POM121L2: variants seen among roughly 807,000 people sequenced by gnomAD.
The protein encoded by POM121L2 is POM121 transmembrane nucleoporin like 2.
For synonymous variants in POM121L2, 459 were observed against 483.8 expected, an observed-to-expected ratio of 0.95 and a Z score of 0.67; for missense variants, 1,167 against 1,260.3, an observed-to-expected ratio of 0.93 and a Z score of 1.12.
At position 27,311,579 on chromosome 6, in the gene POM121L2, G is replaced by A. The variant is rs1760746504; in HGVS notation, c.592C>T (p.Pro198Ser). ...GTGAGGGTTCCATTTTTCATCAGGG[G>A]CTTAAATGCCGATGGTCTGGTCTCT... ...SPETRPSAFK[P>S]LMKNGTLTSF... Residue 198 changes from proline to serine, a missense_variant, in exon 1 of 1, where the codon CCC becomes TCC. Transcript: ENST00000444565. 2 of 1,551,576 alleles carry A rather than the reference G, an allele frequency of 1.3e-6. No homozygotes were observed. The highest frequency in any genetic ancestry group is 1.4e-5 in the African/African-American group (1 of 73,068).
In POM121L2 at chr6:27,311,559, G is replaced by C; in HGVS notation, c.612C>G (p.Thr204=). 3 of 1,551,710 alleles carry C rather than the reference G, an allele frequency of 1.9e-6. No homozygotes were observed. The highest frequency in any genetic ancestry group is 1.4e-5 in the African/African-American group (1 of 73,182). Residue 204 remains threonine, a synonymous_variant, in exon 1 of 1, where the codon ACC becomes ACG. Transcript: ENST00000444565. ...CAGGCCTGGGCACAAAAGAAGTGAGGGTTCCATTTTTCATCAGGGGCTTAA... is the reference window on the plus strand; with the variant it reads ...CAGGCCTGGGCACAAAAGAAGTGAGCGTTCCATTTTTCATCAGGGGCTTAA... ...SAFKPLMKNG[T]LTSFVPRPGP...
rs769766603 is a variant in POM121L2 at position 27,309,427 on chromosome 6, G to A, written c.2744C>T (p.Thr915Ile). 2.6e-6 allele frequency: 4 copies of A among 1,551,560 alleles called. No homozygotes were observed. Among genetic ancestry groups the A allele is most frequent in the East Asian group, 2.4e-5 (1 of 40,922 alleles). ...IIMTGPDMSP[T>I]SGAFSIGALP... ...TGCTCCAATGCTGAAAGCTCCAGAG[G>A]TGGGGCTCATGTCTGGACCAGTCAT... The change falls in exon 1 of 1, where the codon ACC becomes ATC. Residue 915 changes from threonine to isoleucine, a missense_variant. Transcript: ENST00000444565.
chr6:27,311,849 G>C lies in POM121L2; in HGVS notation c.322C>G (p.Leu108Val). The C allele has an allele frequency of 1.3e-6, 2 of 1,551,794 alleles. No homozygotes were observed. Residue 108 changes from leucine to valine, a missense_variant, in exon 1 of 1, where the codon CTT (leucine) becomes GTT (valine). By Grantham distance (32) the Leu-to-Val change is conservative (BLOSUM62 1). Coordinates refer to ENST00000444565, the MANE Select transcript of POM121L2 (RefSeq NM_033482.4). ...ESYLKRTIWS[L>V]RHPRPIWSPV... Reference sequence around the variant, plus strand: ...CTCCAAATTGGCCTGGGATGTCGAAGAGACCAAATAGTCCGCTTTAAGTAA... The same window carrying C: ...CTCCAAATTGGCCTGGGATGTCGAACAGACCAAATAGTCCGCTTTAAGTAA...
At position 27,309,662 on chromosome 6, in the gene POM121L2, T is replaced by C. The variant is rs1268824222; in HGVS notation, c.2509A>G (p.Thr837Ala). 2.6e-6 allele frequency: 4 copies of C among 1,551,474 alleles called. No homozygotes were observed. The highest frequency in any genetic ancestry group is 3.5e-6 in the Non-Finnish European group (4 of 1,146,956). Residue 837 changes from threonine (T) to alanine (A), a missense_variant, in exon 1 of 1, where the codon ACC (threonine) becomes GCC (alanine). Thr to Ala is a moderately conservative substitution (Grantham distance 58, BLOSUM62 0). Coordinates refer to ENST00000444565, the MANE Select transcript of POM121L2 (RefSeq NM_033482.4). ...ALGCLTPSAS[T>A]SQTPASTWSG... Reference sequence around the variant, plus strand: ...CAGGTGCTGGCAGGGGTTTGAGAGGTGGAGGCTGAGGGTGTCAAACACCCC... The same window carrying C: ...CAGGTGCTGGCAGGGGTTTGAGAGGCGGAGGCTGAGGGTGTCAAACACCCC...
In POM121L2 at chr6:27,310,516, G is replaced by T; in HGVS notation, c.1655C>A (p.Ser552Tyr). The change falls in exon 1 of 1, where the codon TCC becomes TAC. Residue 552 changes from serine (S) to tyrosine (Y), a missense_variant. Physicochemically the swap from Ser to Tyr is moderately radical, Grantham distance 144. Transcript: ENST00000444565. ...HNSEIGSSSYSRISVTAAASS... is the reference protein window; with the variant it reads ...HNSEIGSSSYYRISVTAAASS... ...TGCTGCAGCTGTGACTGAAATTCTG[G>T]AATATGAGGAGCTTCCAATCTCGCT... 6.4e-7 allele frequency: 1 copy of T among 1,552,288 alleles called. No individual in the cohort carries two copies. Among genetic ancestry groups the T allele is most frequent in the Non-Finnish European group, 8.7e-7 (1 of 1,147,130 alleles).
At chr6:27,311,675 ACTCT>A (rs1760748342), upstream of POM121L2, 1 of 1,551,526 alleles carries the variant, frequency 6.4e-7, no homozygotes. Context: ...CCTTTTCTGC[ACTCT>A]CTGAGGGCCC....
chr6:27,310,970 C>T lies in POM121L2; in HGVS notation c.1201G>A (p.Ala401Thr), dbSNP rs1277567316. The T allele has an allele frequency of 6.4e-7, 1 of 1,552,196 alleles. No homozygotes were observed. The change falls in exon 1 of 1, where the codon GCA becomes ACA. Residue 401 changes from alanine (A) to threonine (T), a missense_variant. By Grantham distance (58) the Ala-to-Thr change is moderately conservative (BLOSUM62 0). Transcript: ENST00000444565. ...PSSETDLTQG[A>T]NPQLENLRKM... ...CTTAAGTTTTCCAACTGAGGATTTG[C>T]TCCCTGGGTTAGATCTGTTTCTGAA...
chr6:27,311,952 G>A lies in POM121L2; in HGVS notation c.219C>T (p.Asn73=), dbSNP rs1006187371. The A allele has an allele frequency of 3.4e-5, 53 of 1,551,402 alleles. No homozygotes were observed. The highest frequency in any genetic ancestry group is 4.4e-5 in the Non-Finnish European group (51 of 1,146,900). ...DPANPTTWLA[N]EAWRRFPMKK... ...TCATGGGAAAGCGCCTCCAGGCCTC[G>A]TTGGCCAGCCACGTGGTTGGATTGG... Residue 73 remains asparagine, a synonymous_variant, in exon 1 of 1, where the codon AAC becomes AAT. Transcript: ENST00000444565.
Position 27,311,582 on chromosome 6 carries a change from T to C in POM121L2, c.589A>G (p.Lys197Glu), listed in dbSNP as rs2113598482. Residue 197 changes from lysine to glutamate, a missense_variant, in exon 1 of 1, where the codon AAG becomes GAG. Lys to Glu is a moderately conservative substitution (Grantham distance 56, BLOSUM62 1). Coordinates refer to ENST00000444565, the MANE Select transcript of POM121L2 (RefSeq NM_033482.4). ...AGGGTTCCATTTTTCATCAGGGGCTTAAATGCCGATGGTCTGGTCTCTGGA... is the reference window on the plus strand; with the variant it reads ...AGGGTTCCATTTTTCATCAGGGGCTCAAATGCCGATGGTCTGGTCTCTGGA... ...RSPETRPSAF[K>E]PLMKNGTLTS... 6.4e-7 allele frequency: 1 copy of C among 1,551,722 alleles called. No individual in the cohort carries two copies. Among genetic ancestry groups the C allele is most frequent in the East Asian group, 2.4e-5 (1 of 40,908 alleles).
rs1188734107 is a variant in POM121L2 at position 27,310,006 on chromosome 6, C to T, written c.2165G>A (p.Arg722Lys). ...GGCAGGCAGAGGGCTGCCCATACCCCTGAAATTAGCAGTGCTGCTTCTAGG... is the reference window on the plus strand; with the variant it reads ...GGCAGGCAGAGGGCTGCCCATACCCTTGAAATTAGCAGTGCTGCTTCTAGG... Reference protein sequence around the residue: ...ISPRSSTANFRGMGSPLPASA... With the variant: ...ISPRSSTANFKGMGSPLPASA... Residue 722 changes from arginine (R) to lysine (K), a missense_variant, in exon 1 of 1, where the codon AGG (arginine) becomes AAG (lysine). Arg to Lys is a conservative substitution (Grantham distance 26, BLOSUM62 2). Transcript: ENST00000444565. The T allele has an allele frequency of 3.9e-6, 6 of 1,551,972 alleles. No individual in the cohort carries two copies. The Admixed American group carries it at 9.8e-5, about 25-fold the overall frequency.
At position 27,310,103 on chromosome 6, in the gene POM121L2, G is replaced by A; in HGVS notation, c.2068C>T (p.His690Tyr). The change falls in exon 1 of 1, where the codon CAT becomes TAT. Residue 690 changes from histidine to tyrosine, a missense_variant. Transcript: ENST00000444565. ...GTATGCACAGTAGGAATTGTAGGAT[G>A]GTGGTGTGGTGGGAAAATGAATCCT... ...ATGFIFPPHH[H>Y]PTIPTVHTVT... 1 of 1,552,084 alleles carries A rather than the reference G, an allele frequency of 6.4e-7. No individual in the cohort carries two copies. The highest frequency in any genetic ancestry group is 8.7e-7 in the Non-Finnish European group (1 of 1,147,082).
rs533929055 is a variant in POM121L2, at chr6:27,311,728, T to G, written c.443A>C (p.Glu148Ala). The change falls in exon 1 of 1, where the codon GAG becomes GCG. Residue 148 changes from glutamate (E) to alanine (A), a missense_variant. By Grantham distance (107) the Glu-to-Ala change is moderately radical. Transcript: ENST00000444565. ...CTTTGAACATGGATCTGCGAGCTCC[T>G]CAGAGGGCGGGAGTCCTGCAAGGGC... The part of the protein sequence containing the change: ...VIALAGLPPS[E>A]ELADPCSKET... 2.7e-5 allele frequency: 42 copies of G among 1,551,834 alleles called. No individual in the cohort carries two copies. The East Asian group carries it at 3.4e-4, about 13-fold the overall frequency.
In POM121L2 at chr6:27,309,173, T is replaced by G. The variant is rs1359494846; in HGVS notation, c.2998A>C (p.Arg1000=). 3 of 1,551,784 alleles carry G rather than the reference T, an allele frequency of 1.9e-6. No individual in the cohort carries two copies. The highest frequency in any genetic ancestry group is 2.6e-6 in the Non-Finnish European group (3 of 1,147,016). The change falls in exon 1 of 1, where the codon AGA becomes CGA. Residue 1000 remains arginine (R), a synonymous_variant. Transcript: ENST00000444565. ...PFPPAQGSVG[R]GPFRSSASSF... ...GAGGCTGATGATCTAAAAGGTCCTC[T>G]CCCAACAGAGCCCTGGGCAGGTGGA...
In POM121L2 at chr6:27,310,585, G is replaced by A; in HGVS notation, c.1586C>T (p.Ser529Phe). ...LSASAPPDAT[S>F]AHLMLKPILG... is the part of the protein sequence containing the mutation. ...AATCGGTTTTAACATGAGGTGAGCA[G>A]AAGTTGCATCAGGAGGTGCAGATGC... is the stretch of plus-strand genomic sequence containing the variant. Residue 529 changes from serine (S) to phenylalanine (F), a missense_variant, in exon 1 of 1, where the codon TCT becomes TTT. Ser to Phe is a radical substitution (Grantham distance 155, BLOSUM62 -2). Coordinates refer to ENST00000444565, the MANE Select transcript of POM121L2 (RefSeq NM_033482.4). The A allele has an allele frequency of 8.4e-6, 13 of 1,552,020 alleles. No individual in the cohort carries two copies. The highest frequency in any genetic ancestry group is 1.1e-5 in the Non-Finnish European group (13 of 1,147,068).
At position 27,310,069 on chromosome 6, in the gene POM121L2, A is replaced by T; in HGVS notation, c.2102T>A (p.Met701Lys). 1 of 1,552,256 alleles carries T rather than the reference A, an allele frequency of 6.4e-7. No homozygotes were observed. ...PTIPTVHTVT[M>K]FTQVLSSVVQ... Reference sequence around the variant, plus strand: ...AACACTGGAAAGGACCTGGGTAAACATGGTGACTGTATGCACAGTAGGAAT... The same window carrying T: ...AACACTGGAAAGGACCTGGGTAAACTTGGTGACTGTATGCACAGTAGGAAT... The change falls in exon 1 of 1, where the codon ATG (methionine) becomes AAG (lysine). Residue 701 changes from methionine (M) to lysine (K), a missense_variant. Met to Lys is a moderately conservative substitution (Grantham distance 95). Coordinates refer to ENST00000444565, the MANE Select transcript of POM121L2 (RefSeq NM_033482.4).
In POM121L2 at chr6:27,309,354, C is replaced by G; in HGVS notation, c.2817G>C (p.Trp939Cys). 1 of 1,551,568 alleles carries G rather than the reference C, an allele frequency of 6.4e-7. No individual in the cohort carries two copies. The highest frequency in any genetic ancestry group is 8.7e-7 in the Non-Finnish European group (1 of 1,146,936). The change falls in exon 1 of 1, where the codon TGG (tryptophan) becomes TGC (cysteine). Residue 939 changes from tryptophan to cysteine, a missense_variant. Transcript: ENST00000444565. ...TGGGCAGGCCTTCAGTGTTCTGGCT[C>G]CAGCCTTTTCCAAAGGGGATCATGG... is the stretch of plus-strand genomic sequence containing the variant. ...TNTMIPFGKG[W>C]SQNTEGLPSH... is the part of the protein sequence containing the mutation.
intron 1 of POM121L2, chr6:27,309,088 C>CG: frequency 1.3e-6 from 2 of 1,551,456 alleles, no homozygotes; most frequent in Non-Finnish European, 1.7e-6. Flanking sequence ...ATGATGCCTT[C>CG]GGGAATGCCC....
chr6:27,311,610 C>T lies in POM121L2; in HGVS notation c.561G>A (p.Arg187=). The T allele has an allele frequency of 1.9e-6, 3 of 1,551,776 alleles. No homozygotes were observed. The highest frequency in any genetic ancestry group is 2.6e-6 in the Non-Finnish European group (3 of 1,147,004). The change falls in exon 1 of 1, where the codon AGG becomes AGA. Residue 187 remains arginine (R), a synonymous_variant. Transcript: ENST00000444565. The part of the protein sequence containing the change: ...LFPESLDSKR[R]SPETRPSAFK... Reference sequence around the variant, plus strand: ...ATGCCGATGGTCTGGTCTCTGGACTCCTTCTCTTACTGTCCAGACTCTCAG... The same window carrying T: ...ATGCCGATGGTCTGGTCTCTGGACTTCTTCTCTTACTGTCCAGACTCTCAG...
At position 27,311,227 on chromosome 6, in the gene POM121L2, C is replaced by G; in HGVS notation, c.944G>C (p.Gly315Ala). ...CTGTGGAATCTTCTGGTTTTGCTGC[C>G]CAGAACTTTCAGATCCTCCTAGGGA... ...FESLGGSESS[G>A]QQNQKIPQLP... Residue 315 changes from glycine to alanine, a missense_variant, in exon 1 of 1, where the codon GGG becomes GCG. Gly to Ala is a moderately conservative substitution (Grantham distance 60). Transcript: ENST00000444565. 1 of 1,551,848 alleles carries G rather than the reference C, an allele frequency of 6.4e-7. No individual in the cohort carries two copies. The highest frequency in any genetic ancestry group is 1.2e-5 in the South Asian group (1 of 84,058).
Sources: allele counts gnomAD v4.1 joint callset, GRCh38; gene constraint gnomAD v4.1.1; transcripts MANE v1.5; gene names NCBI Gene and HGNC (gene_info 2026-07-23, HGNC 2026-07-21).